The following SNTG1 variants were observed in gnomAD, a reference collection of about 807,000 sequenced individuals.
SNTG1 encodes the protein syntrophin gamma 1.
A neutral mutation model predicts 74.7 loss-of-function variants in SNTG1; 39 were observed. The ratio of observed to expected loss-of-function variants is 0.52; its 90% CI spans 0.40 to 0.68. The LOEUF (loss-of-function observed/expected upper bound fraction) is 0.68. Among genes scored for constraint, SNTG1 ranks in the 30% least tolerant of loss-of-function variants. The pLI is 0.00. For synonymous variants in SNTG1, 254 were observed against 217.1 expected, an observed-to-expected ratio of 1.17 and a Z score of -1.49; for missense variants, 685 against 609.5, an observed-to-expected ratio of 1.12 and a Z score of -1.30.
At chr8:50,785,368 A>G (rs1031327951) in intron 18 of SNTG1, among the ~76,000 whole-genome samples, 1 of 151,972 alleles carries the variant, frequency 6.6e-6, no homozygotes, top group Non-Finnish European at 1.5e-5. Context: ...TATTTTAGAG[A>G]TTAAAAAGAA....
intron 2 of SNTG1, among the ~76,000 whole-genome samples, chr8:50,307,877 T>A (rs919114715): frequency 6.6e-6 from 1 of 152,110 alleles, no homozygotes; most frequent in African/African-American, 2.4e-5. Flanking sequence ...GCATTAGAGA[T>A]CTTTCTGTTG....
intron 2 of SNTG1, among the ~76,000 whole-genome samples, chr8:50,242,872 T>A (rs1253574812): frequency 2.0e-5 from 3 of 151,740 alleles, no homozygotes; most frequent in African/African-American, 4.8e-5. Context: ...TATTTATTTA[T>A]GTGCTTATAG....
chr8:50,472,561 A>G (rs1183764165), intron 8 of SNTG1, among the ~76,000 whole-genome samples: 2 of 152,156 alleles, frequency 1.3e-5, no homozygotes, highest in African/African-American at 4.8e-5. Context: ...CTAAAAAAAT[A>G]CTAAACTCAT....
chr8:50,402,981 T>C (rs1464922575), intron 4 of SNTG1, among the ~76,000 whole-genome samples: 1 of 152,236 alleles, frequency 6.6e-6, no homozygotes, highest in Non-Finnish European at 1.5e-5. Flanking sequence ...CGAGGCAGCA[T>C]AGCTATGGAA....
At chr8:50,072,390 A>G (rs1821447851) in intron 1 of SNTG1, among the ~76,000 whole-genome samples, 2 of 152,226 alleles carry the variant, frequency 1.3e-5, no homozygotes, top group African/African-American at 2.4e-5. Flanking sequence ...ATAAAATTGA[A>G]TATGAGTTAT....
intron 2 of SNTG1, among the ~76,000 whole-genome samples, chr8:50,182,917 G>A (rs2083257358): frequency 2.0e-5 from 3 of 152,058 alleles, no homozygotes; most frequent in Admixed American, 2.0e-4. Context: ...TGACAACCTG[G>A]AGACTAGAGC....
chr8:50,110,625 A>G (rs2080546513), intron 1 of SNTG1, among the ~76,000 whole-genome samples: 1 of 152,210 alleles, frequency 6.6e-6, no homozygotes, highest in South Asian at 2.1e-4. Flanking sequence ...ACTGCTCGAG[A>G]TGAAGCTTTT....
chr8:50,693,016 A>G (rs1177284803), intron 15 of SNTG1, among the ~76,000 whole-genome samples: 1 of 152,158 alleles, frequency 6.6e-6, no homozygotes, highest in Non-Finnish European at 1.5e-5. Flanking sequence ...TGTGTTAGCA[A>G]TGAGCAAGAC....
At chr8:50,095,070 C>T (rs2079876234) in intron 1 of SNTG1, among the ~76,000 whole-genome samples, 4 of 152,088 alleles carry the variant, frequency 2.6e-5, no homozygotes, top group South Asian at 2.1e-4. Context: ...AACCAAATAC[C>T]GCATATTCTC....
intron 8 of SNTG1, among the ~76,000 whole-genome samples, chr8:50,472,843 C>G (rs2093663940): frequency 1.3e-5 from 2 of 151,776 alleles, no homozygotes; most frequent in South Asian, 2.1e-4. Context: ...AACAAAAAAC[C>G]TTACCCAATT....
intron 1 of SNTG1, among the ~76,000 whole-genome samples, chr8:49,966,087 T>G (rs1486247): frequency 0.05 from 7,587 of 152,288 alleles, 344 homozygotes; most frequent in East Asian, 0.27. Context: ...TTTCTATTTC[T>G]GATTCAATTT....
intron 1 of SNTG1, among the ~76,000 whole-genome samples, chr8:50,032,749 A>T (rs977409976): frequency 6.6e-5 from 10 of 152,188 alleles, no homozygotes; most frequent in African/African-American, 2.4e-4. Context: ...ACTTCCAGGA[A>T]GCAGAAGTCA....
At chr8:50,451,734 A>G (rs2093459756) in intron 8 of SNTG1, among the ~76,000 whole-genome samples, 2 of 152,138 alleles carry the variant, frequency 1.3e-5, no homozygotes, top group Non-Finnish European at 2.9e-5. Flanking sequence ...CTTTTAGAGA[A>G]GCTGAAAGGT....
chr8:50,149,591 G>C (rs571566308), intron 1 of SNTG1, among the ~76,000 whole-genome samples: 85 of 152,328 alleles, frequency 5.6e-4, no homozygotes, highest in South Asian at 2.9e-3. Context: ...AAGGGATCCA[G>C]TTTCAGCTTT....
At chr8:50,643,173 A>C (rs2095084970) in intron 13 of SNTG1, among the ~76,000 whole-genome samples, 1 of 152,234 alleles carries the variant, frequency 6.6e-6, no homozygotes, top group Non-Finnish European at 1.5e-5. Context: ...ATAACACTGA[A>C]ACATGTCGAC....
At chr8:50,776,257 T>A (rs1210211581) in intron 18 of SNTG1, among the ~76,000 whole-genome samples, 6 of 150,794 alleles carry the variant, frequency 4.0e-5, no homozygotes, top group Non-Finnish European at 8.9e-5. Flanking sequence ...TACTTCAACA[T>A]ATACTGTTCT....
intron 8 of SNTG1, among the ~76,000 whole-genome samples, chr8:50,488,673 T>C (rs1191178674): frequency 6.6e-6 from 1 of 152,184 alleles, no homozygotes; most frequent in Non-Finnish European, 1.5e-5. Context: ...GCAATGACCA[T>C]GATGACAGCA....
intron 1 of SNTG1, among the ~76,000 whole-genome samples, chr8:49,930,306 G>A (rs535817801): frequency 9.9e-5 from 15 of 152,000 alleles, no homozygotes; most frequent in African/African-American, 3.6e-4. Flanking sequence ...TTATATCAGT[G>A]AGGCAAGGTT....
At chr8:49,922,888 T>C (rs984348016) in intron 1 of SNTG1, among the ~76,000 whole-genome samples, 2 of 152,144 alleles carry the variant, frequency 1.3e-5, no homozygotes, top group Non-Finnish European at 2.9e-5. Flanking sequence ...ACCTACTACA[T>C]GTAACTGGTT....
Sources: gnomAD v4.1 joint callset for allele counts (sites outside exome capture counted in the v4.1 genomes callset) on GRCh38, gnomAD v4.1.1 for gene constraint, MANE v1.5 for transcripts, NCBI Gene and HGNC (gene_info 2026-07-23, HGNC 2026-07-21) for gene names.